The following COL9A1 variants were observed in gnomAD, a reference collection of about 807,000 sequenced individuals.
COL9A1 encodes the protein collagen alpha-1(IX) chain.
In COL9A1, 104 loss-of-function variants were observed where a neutral mutation model predicts 142.6. The observed-to-expected ratio is 0.73, with a 90% CI of 0.62 to 0.86. COL9A1 has a LOEUF of 0.86. Among genes scored for constraint, COL9A1 ranks in the 40% least tolerant of loss-of-function variants. The pLI, the probability that COL9A1 is intolerant of heterozygous loss-of-function variation, is 0.00. For missense variants in COL9A1, 1,210 were observed against 1,176.6 expected, an observed-to-expected ratio of 1.03 and a Z score of -0.42; for synonymous variants, 466 against 396.0, an observed-to-expected ratio of 1.18 and a Z score of -2.10.
intron 28 of COL9A1, among the ~76,000 whole-genome samples, chr6:70,249,370 C>G (rs1434076123): frequency 2.6e-5 from 4 of 151,928 alleles, no homozygotes; most frequent in Non-Finnish European, 4.4e-5. Context: ...TGTGAGACAC[C>G]CTGCCATGTG....
chr6:70,295,651 G>A (rs1236860615), intron 4 of COL9A1, among the ~76,000 whole-genome samples: 1 of 152,006 alleles, frequency 6.6e-6, no homozygotes, highest in Admixed American at 6.6e-5. Flanking sequence ...GCTTTAAATG[G>A]CAGAATAAAA....
intron 4 of COL9A1, among the ~76,000 whole-genome samples, chr6:70,298,966 C>A (rs1476173992): frequency 1.3e-5 from 2 of 152,044 alleles, no homozygotes; most frequent in African/African-American, 4.8e-5. Context: ...ACATTCCAAC[C>A]CACTCACCTT....
chr6:70,259,617 A>G (rs938815727), intron 20 of COL9A1, among the ~76,000 whole-genome samples: 1 of 151,874 alleles, frequency 6.6e-6, no homozygotes, highest in Non-Finnish European at 1.5e-5. Flanking sequence ...CATCCTTCTA[A>G]TGCCACCTCC....
At chr6:70,290,061 G>A (rs575193309) in intron 5 of COL9A1, among the ~76,000 whole-genome samples, 9 of 152,048 alleles carry the variant, frequency 5.9e-5, no homozygotes, top group African/African-American at 7.2e-5. Flanking sequence ...GATTAATCAC[G>A]TTCCATGTTG....
chr6:70,281,317 C>A, intron 8 of COL9A1, 73 bp downstream of exon 8: 2 of 1,455,980 alleles, frequency 1.4e-6, no homozygotes, highest in Admixed American at 2.0e-5. Context: ...AAAAAAACCC[C>A]ACAGGAGCCC....
At chr6:70,231,298 T>G (rs778219218) in intron 36 of COL9A1, among the ~76,000 whole-genome samples, 2 of 152,204 alleles carry the variant, frequency 1.3e-5, no homozygotes, top group Non-Finnish European at 2.9e-5. Context: ...GCTGTAGAGT[T>G]TCTTAGAAAT....
chr6:70,261,192 C>T (rs190235694), intron 19 of COL9A1: 198 of 161,226 alleles, frequency 1.2e-3, no homozygotes, highest in Admixed American at 1.3e-3. Flanking sequence ...GAGCTGGAGC[C>T]TCCATCAATC....
intron 37 of COL9A1, among the ~76,000 whole-genome samples, chr6:70,223,283 T>C (rs1159009083): frequency 1.3e-5 from 2 of 152,214 alleles, no homozygotes; most frequent in Non-Finnish European, 2.9e-5. Flanking sequence ...CCAACATTTC[T>C]TGAGCGCCTA....
intron 3 of COL9A1, 49 bp from the exon 4 acceptor site, chr6:70,300,224 A>C (rs1583355579): frequency 1.2e-6 from 2 of 1,611,596 alleles, no homozygotes; most frequent in South Asian, 1.1e-5. Flanking sequence ...GATTGGTTTT[A>C]TTTCTTTCCA....
At chr6:70,301,290 C>T (rs917519537) in intron 2 of COL9A1, among the ~76,000 whole-genome samples, 3 of 151,944 alleles carry the variant, frequency 2.0e-5, no homozygotes, top group African/African-American at 7.2e-5. Flanking sequence ...AGTTACAAAG[C>T]ATAGGCCCGG....
At chr6:70,249,631 G>A (rs1322158982) in intron 28 of COL9A1, among the ~76,000 whole-genome samples, 1 of 152,244 alleles carries the variant, frequency 6.6e-6, no homozygotes, top group East Asian at 1.9e-4. Flanking sequence ...AAAATGCTGA[G>A]GTTTTGAGCC....
chr6:70,244,661 T>C (rs965524560), intron 28 of COL9A1, among the ~76,000 whole-genome samples: 3 of 152,206 alleles, frequency 2.0e-5, no homozygotes, highest in African/African-American at 7.2e-5. Flanking sequence ...TTATCCAAAA[T>C]AAAGATGATT....
At chr6:70,230,623 T>C (rs1256393422) in intron 36 of COL9A1, among the ~76,000 whole-genome samples, 1 of 152,238 alleles carries the variant, frequency 6.6e-6, no homozygotes, top group Non-Finnish European at 1.5e-5. Context: ...GAGGTTCATC[T>C]GCTAGAGCCA....
intron 7 of COL9A1, among the ~76,000 whole-genome samples, chr6:70,281,918 A>G (rs1773189838): frequency 6.6e-6 from 1 of 152,150 alleles, no homozygotes; most frequent in African/African-American, 2.4e-5. Flanking sequence ...GTCCAGTAGA[A>G]TGGGGAGGCG....
rs145979152 is a variant in COL9A1, at chr6:70,223,053, T to G, written c.2581+2879A>C. Among the ~76,000 whole-genome samples the G allele has an allele frequency of 4.3e-4, 65 of 152,288 alleles. 2 individuals are homozygous for G. The highest frequency in any genetic ancestry group is 9.2e-4 in the Admixed American group (14 of 15,294). ...GAAAAGATGTACTGCTACCCAGTAC[T>G]TCGCATTTGTGATTTGGAGTTGAAG... On this transcript the variant is annotated intron_variant, in intron 37 of 37. Coordinates refer to ENST00000357250, the MANE Select transcript of COL9A1 (RefSeq NM_001851.6).
chr6:70,282,782 G>T (rs921563292), intron 7 of COL9A1, 116 bp downstream of exon 7: 3 of 1,484,338 alleles, frequency 2.0e-6, no homozygotes, highest in African/African-American at 1.4e-5. Flanking sequence ...GAGGAAGCGC[G>T]GGTCTGAGAG....
At chr6:70,275,342 A>G (rs1772687574) in intron 10 of COL9A1, among the ~76,000 whole-genome samples, 1 of 152,160 alleles carries the variant, frequency 6.6e-6, no homozygotes, top group Non-Finnish European at 1.5e-5. Flanking sequence ...ATTGCTTATC[A>G]AAGAATATTA....
At chr6:70,228,416 T>C (rs1185750112) in intron 36 of COL9A1, among the ~76,000 whole-genome samples, 1 of 152,166 alleles carries the variant, frequency 6.6e-6, no homozygotes, top group Admixed American at 6.5e-5. Flanking sequence ...CATTATCCCA[T>C]TATTCCGGTA....
At chr6:70,284,962 A>C (rs958417115) in intron 5 of COL9A1, among the ~76,000 whole-genome samples, 1 of 152,348 alleles carries the variant, frequency 6.6e-6, no homozygotes, top group Admixed American at 6.5e-5. Flanking sequence ...ACTGGACAGA[A>C]GATCAAAATT....
Sources: gnomAD v4.1 joint callset for allele counts (sites outside exome capture counted in the v4.1 genomes callset) on GRCh38, gnomAD v4.1.1 for gene constraint, MANE v1.5 for transcripts, NCBI Gene and HGNC (gene_info 2026-07-23, HGNC 2026-07-21) for gene names.